EVC: variants seen among roughly 807,000 people sequenced by gnomAD.
EVC encodes the protein EvC ciliary complex subunit 1.
EVC carries 116 observed loss-of-function variants against 118.9 expected under a neutral mutation model. The observed-to-expected ratio is 0.98, with a 90% CI of 0.84 to 1.14. The LOEUF (loss-of-function observed/expected upper bound fraction) is 1.14, where lower values mean the gene tolerates loss of function less well. Ranked by LOEUF, EVC falls within the 50% of genes most tolerant of loss-of-function variation. EVC has a pLI of 0.00. For missense variants in EVC, 1,401 were observed against 1,246.4 expected, an observed-to-expected ratio of 1.12 and a Z score of -1.87; for synonymous variants, 619 against 534.7, an observed-to-expected ratio of 1.16 and a Z score of -2.18.
rs1717031281 is a variant in EVC, at chr4:5,812,238, GAGAGAA to G, written c.*1203_*1208del. On this transcript the variant is annotated 3_prime_UTR_variant, in exon 21 of 21. Transcript: ENST00000264956. ...CGCCAGGAGAGGCCTTTCCCACCGG[GAGAGAA>G]ACTTCCAGACCAGCCCCTCACACCA... 1 of 164,140 alleles carries G rather than the reference GAGAGAA, an allele frequency of 6.1e-6. No individual in the cohort carries two copies. Among genetic ancestry groups the G allele is most frequent in the East Asian group, 2.0e-4 (1 of 4,912 alleles). 10.2% of individuals were successfully genotyped at this position (164,140 alleles called of 1,614,324 possible). A position where few individuals can be genotyped will look rare whatever the true frequency, so the allele number is the denominator to read the frequency against.
chr4:5,718,749 A>C (rs1724406779), intron 1 of EVC, among the ~76,000 whole-genome samples: 1 of 152,250 alleles, frequency 6.6e-6, no homozygotes, highest in Non-Finnish European at 1.5e-5. Context: ...TACAGAATCC[A>C]TAAATAATGA....
intron 16 of EVC, among the ~76,000 whole-genome samples, chr4:5,803,085 C>T (rs1343437040): frequency 2.6e-5 from 4 of 152,188 alleles, no homozygotes; most frequent in Non-Finnish European, 4.4e-5. Flanking sequence ...AAAGGCCACC[C>T]TGGGGTGATA....
At chr4:5,752,691 AG>A in intron 8 of EVC, 144 bp from the exon 9 acceptor site, 1 of 813,816 alleles carries the variant, frequency 1.2e-6, no homozygotes, top group Non-Finnish European at 2.1e-6. Flanking sequence ...CATGAAGGAG[AG>A]GGGGAGTTCA....
At chr4:5,788,787 C>T (rs979629432) in intron 12 of EVC, among the ~76,000 whole-genome samples, 1 of 152,206 alleles carries the variant, frequency 6.6e-6, no homozygotes, top group Non-Finnish European at 1.5e-5. Context: ...CCATTCTCAA[C>T]CCCCACCCAG....
intron 11 of EVC, among the ~76,000 whole-genome samples, chr4:5,781,091 A>G (rs1472926472): frequency 6.6e-6 from 1 of 152,222 alleles, no homozygotes; most frequent in East Asian, 1.9e-4. Flanking sequence ...CAGGAAGGAA[A>G]GCAGATGTTC....
chr4:5,781,588 G>A (rs914487465), intron 11 of EVC, among the ~76,000 whole-genome samples: 4 of 152,200 alleles, frequency 2.6e-5, no homozygotes, highest in African/African-American at 9.7e-5. Flanking sequence ...TGTAATCCCA[G>A]CACTTTGGGA....
rs1314289939 is a variant in EVC at position 5,813,029 on chromosome 4, T to C, written c.*1992T>C. ...TCTTAAAACCTGAAATAGACTCTCT[T>C]AGAAACAAGTGACTCCTTCCCAGTG... On this transcript the variant is annotated 3_prime_UTR_variant, in exon 21 of 21. Coordinates refer to ENST00000264956, the MANE Select transcript of EVC (RefSeq NM_153717.3). The C allele has an allele frequency of 1.3e-5, 2 of 152,198 alleles. No individual in the cohort carries two copies. Among genetic ancestry groups the C allele is most frequent in the African/African-American group, 2.4e-5 (1 of 41,452 alleles). The allele number at this position is 152,198 out of a possible 1,614,324, so 9.4% of individuals were successfully genotyped here. A position where few individuals can be genotyped will look rare whatever the true frequency, so the allele number is the denominator to read the frequency against.
chr4:5,793,405 T>C, intron 12 of EVC: 1 of 609,094 alleles, frequency 1.6e-6, no homozygotes, highest in South Asian at 2.0e-5. Context: ...AAAATTTTCG[T>C]ATTTGCATTT....
intron 9 of EVC, among the ~76,000 whole-genome samples, 184 bp downstream of exon 9, chr4:5,753,236 T>C (rs1730662498): frequency 6.6e-6 from 1 of 152,146 alleles, no homozygotes; most frequent in Non-Finnish European, 1.5e-5. Context: ...CCCTTCTCTG[T>C]ACAGCAGAGT....
intron 12 of EVC, among the ~76,000 whole-genome samples, chr4:5,785,245 G>C (rs780382723): frequency 5.6e-4 from 85 of 152,230 alleles, no homozygotes; most frequent in Non-Finnish European, 2.4e-4. Context: ...GAGGCAGCCT[G>C]CGTGAGCCTG....
chr4:5,778,625 G>A (rs1341208558), intron 11 of EVC, among the ~76,000 whole-genome samples: 7 of 152,190 alleles, frequency 4.6e-5, no homozygotes, highest in African/African-American at 1.7e-4. Context: ...TTTTTTGGCT[G>A]CATCAATGTC....
rs963672439 is a variant in EVC at position 5,738,691 on chromosome 4, C to T, written c.703-3025C>T. On this transcript the variant is annotated intron_variant, in intron 5 of 20. Transcript: ENST00000264956. This position sits in a 1 kb window ranked among gnomAD's most constrained non-coding sequence, Gnocchi z 6.5. Reference sequence around the variant, plus strand: ...AAGTGATTCTCCCGCCTCAGCCTCCCGAGCAGCTGGGACCACAGGCGCGCA... The same window carrying T: ...AAGTGATTCTCCCGCCTCAGCCTCCTGAGCAGCTGGGACCACAGGCGCGCA... 2.6e-5 allele frequency among the ~76,000 whole-genome samples: 4 copies of T among 151,894 alleles called. No homozygotes were observed. Among genetic ancestry groups the T allele is most frequent in the East Asian group, 1.9e-4 (1 of 5,156 alleles).
At chr4:5,776,209 A>G (rs894117429) in intron 11 of EVC, among the ~76,000 whole-genome samples, 1 of 152,178 alleles carries the variant, frequency 6.6e-6, no homozygotes, top group Non-Finnish European at 1.5e-5. Flanking sequence ...GTTATTAACT[A>G]CATACAAATT....
rs1712277585 is a variant in EVC at position 5,789,142 on chromosome 4, C to T, written c.1777-4466C>T. On this transcript the variant is annotated intron_variant, in intron 12 of 20. Coordinates refer to ENST00000264956, the MANE Select transcript of EVC (RefSeq NM_153717.3). This position sits in a 1 kb window ranked among gnomAD's most constrained non-coding sequence, Gnocchi z 4.3. ...AAATAATTGGGCATCTTACAGTCGT[C>T]AGCACAATAGATTTGATAGGGAACA... Among the ~76,000 whole-genome samples, 1 of 152,212 alleles carries T rather than the reference C, an allele frequency of 6.6e-6. No homozygotes were observed. Among genetic ancestry groups the T allele is most frequent in the African/African-American group, 2.4e-5 (1 of 41,442 alleles).
Position 5,719,352 on chromosome 4 carries a change from G to A in EVC, c.279G>A (p.Ser93=), listed in dbSNP as rs373072919. ...SRRRKREVQM[S]KDKEAVDECE... ...GGAGGAAGAGAGAAGTGCAGATGTC[G>A]AAGGACAAGGAAGCTGTTGATGTAA... Residue 93 remains serine (S), a synonymous_variant, in exon 2 of 21, where the codon TCG becomes TCA. Transcript: ENST00000264956. This position sits in a 1 kb window ranked among gnomAD's most constrained non-coding sequence, Gnocchi z 4.7. The A allele has an allele frequency of 2.5e-5, 41 of 1,614,074 alleles. No individual in the cohort carries two copies. Among genetic ancestry groups the A allele is most frequent in the Non-Finnish European group, 3.1e-5 (37 of 1,180,042 alleles).
chr4:5,715,306 A>G (rs1481376497), intron 1 of EVC, among the ~76,000 whole-genome samples: 2 of 152,212 alleles, frequency 1.3e-5, no homozygotes, highest in African/African-American at 2.4e-5. Context: ...ACAGCTCTCT[A>G]AAGTGTGGAC....
the EVC span, chr4:5,824,676 C>A: frequency 1.0e-6 from 1 of 965,510 alleles, no homozygotes; most frequent in African/African-American, 1.8e-5. Context: ...TGTTGACATC[C>A]TAGATGTTGC....
chr4:5,814,887 AG>A (rs533173965), downstream of EVC, among the ~76,000 whole-genome samples: 11 of 152,010 alleles, frequency 7.2e-5, no homozygotes, highest in South Asian at 2.1e-3. Flanking sequence ...CTTAGATTCT[AG>A]GTCCTGTGTT....
intron 17 of EVC, among the ~76,000 whole-genome samples, chr4:5,805,672 A>T (rs7668074): frequency 0.43 from 64,704 of 151,944 alleles, 14,107 homozygotes; most frequent in Non-Finnish European, 0.47. Flanking sequence ...ACCAAGGGAT[A>T]CTGATAGATG....
Sources: allele counts gnomAD v4.1 joint callset (sites outside exome capture counted in the v4.1 genomes callset), GRCh38; gene constraint gnomAD v4.1.1; non-coding constraint Gnocchi (gnomAD v3.1); transcripts MANE v1.5; gene names NCBI Gene and HGNC (gene_info 2026-07-23, HGNC 2026-07-21).